ZNF227: variants seen among roughly 807,000 people sequenced by gnomAD.
The protein encoded by ZNF227 is zinc finger protein 227.
Under a neutral mutation model 13.2 loss-of-function variants are expected in ZNF227, and 12 were observed. That is an observed-to-expected ratio of 0.91 (90% CI 0.58 to 1.47). ZNF227 has a LOEUF of 1.47. Among genes scored for constraint, ZNF227 ranks in the 40% most tolerant of loss-of-function variants. ZNF227 has a pLI of 0.00. For missense variants in ZNF227, 885 were observed against 967.5 expected, an observed-to-expected ratio of 0.91 and a Z score of 1.13; for synonymous variants, 338 against 326.0, an observed-to-expected ratio of 1.04 and a Z score of -0.40.
chr19:44,236,828 T>C lies in ZNF227; in HGVS notation c.2398T>C (p.Ter800GlnextTer2), dbSNP rs1196971171. The C allele has an allele frequency of 6.4e-7, 1 of 1,553,736 alleles. No homozygotes were observed. The highest frequency in any genetic ancestry group is 8.7e-7 in the Non-Finnish European group (1 of 1,152,634). ...HQKVHTGKKL* is the reference protein window; with the variant it reads ...HQKVHTGKKLQ ...GAAAGTCCATACTGGTAAAAAGCTT[T>C]AGAAATGAGAAATGTGTTACCAACT... The change falls in exon 6 of 6, where the codon TAG becomes CAG. Residue 800 changes from the stop codon to glutamine (Q), a stop_lost. Coordinates refer to ENST00000313040, the MANE Select transcript of ZNF227 (RefSeq NM_182490.3).
At chr19:44,210,263 A>G (rs770980591), upstream of ZNF227, among the ~76,000 whole-genome samples, 56 of 152,226 alleles carry the variant, frequency 3.7e-4, no homozygotes, top group Non-Finnish European at 7.1e-4. Flanking sequence ...GAAACCTTCC[A>G]TCCATAATTT....
chr19:44,216,291 GTT>G (rs1971875757), intron 2 of ZNF227, among the ~76,000 whole-genome samples: 1 of 151,282 alleles, frequency 6.6e-6, no homozygotes, highest in South Asian at 2.1e-4. Flanking sequence ...CAGGTTGACA[GTT>G]TCTTTATTTT....
chr19:44,208,639 C>T (rs149816308), upstream of ZNF227, among the ~76,000 whole-genome samples: 364 of 152,286 alleles, frequency 2.4e-3, 3 homozygotes, highest in Middle Eastern at 0.01. Flanking sequence ...AACCCTAAAA[C>T]GTACAGTTAG....
chr19:44,220,132 AGTATTCCATG>A (rs1349461063), intron 3 of ZNF227, among the ~76,000 whole-genome samples: 1 of 152,192 alleles, frequency 6.6e-6, no homozygotes, highest in Non-Finnish European at 1.5e-5. Context: ...ATGGCTGCAT[AGTATTCCATG>A]GTGTATATGT....
chr19:44,226,788 C>T (rs73569933), intron 3 of ZNF227, among the ~76,000 whole-genome samples: 5,565 of 152,178 alleles, frequency 0.037, 341 homozygotes, highest in African/African-American at 0.13. Context: ...CACTGCCCTG[C>T]GCCCACTGTC....
Position 44,216,436 on chromosome 19 carries a change from C to T in ZNF227, c.-2-1355C>T, listed in dbSNP as rs188664456. Among the ~76,000 whole-genome samples the T allele has an allele frequency of 8.5e-4, 129 of 151,922 alleles. 1 individual carries two copies. Among genetic ancestry groups the T allele is most frequent in the African/African-American group, 2.9e-3 (122 of 41,430 alleles). On this transcript the variant is annotated intron_variant, in intron 2 of 5. Transcript: ENST00000313040. ...GTTGTTGTTTCCAGTTCTTTATGTT[C>T]GTTTAGTCTTTTGCATTTCTGAGTT...
In ZNF227 at chr19:44,228,493, A is replaced by G. The variant is rs990601217; in HGVS notation, c.108A>G (p.Glu36=). The G allele has an allele frequency of 1.9e-6, 3 of 1,613,706 alleles. No homozygotes were observed. Among genetic ancestry groups the G allele is most frequent in the Non-Finnish European group, 2.5e-6 (3 of 1,179,966 alleles). ...KDVAVVFSRE[E]LRLLDLTQRK... ...TGGCTGTGGTCTTCTCCAGGGAGGA[A>G]CTGCGACTGCTCGATCTTACCCAGA... Residue 36 remains glutamate (E), a synonymous_variant, in exon 4 of 6, where the codon GAA becomes GAG. Transcript: ENST00000313040.
rs1182858560 is a variant in ZNF227, at chr19:44,228,464, G to T, written c.79G>T (p.Asp27Tyr). The T allele has an allele frequency of 6.2e-7, 1 of 1,613,270 alleles. No individual in the cohort carries two copies. The highest frequency in any genetic ancestry group is 1.7e-5 in the Admixed American group (1 of 59,824). Residue 27 changes from aspartate to tyrosine, a missense_variant, in exon 4 of 6, where the codon GAT becomes TAT. Asp to Tyr is a radical substitution (Grantham distance 160). Coordinates refer to ENST00000313040, the MANE Select transcript of ZNF227 (RefSeq NM_182490.3). ...ATTGTAGGAGGCTGTGACATTCAAG[G>T]ATGTGGCTGTGGTCTTCTCCAGGGA... is the stretch of plus-strand genomic sequence containing the variant. The part of the protein sequence containing the change: ...TKFQEAVTFK[D>Y]VAVVFSREEL...
chr19:44,215,194 G>T (rs1225649954), intron 2 of ZNF227, among the ~76,000 whole-genome samples: 5 of 145,720 alleles, frequency 3.4e-5, no homozygotes, highest in African/African-American at 1.3e-4. Flanking sequence ...TTGAAACGGA[G>T]TCTCGCCTGT....
intron 3 of ZNF227, among the ~76,000 whole-genome samples, chr19:44,222,223 C>T (rs920646276): frequency 6.6e-6 from 1 of 152,042 alleles, no homozygotes; most frequent in East Asian, 1.9e-4. Flanking sequence ...TTCTTTTGGC[C>T]TAGGATTGAC....
intron 2 of ZNF227, among the ~76,000 whole-genome samples, chr19:44,216,507 T>C (rs1219047364): frequency 6.6e-6 from 1 of 152,220 alleles, no homozygotes; most frequent in Non-Finnish European, 1.5e-5. Context: ...TTATACTGTT[T>C]AGAATTTCTA....
At chr19:44,211,343 T>G (rs1971358684), upstream of ZNF227, among the ~76,000 whole-genome samples, 1 of 152,254 alleles carries the variant, frequency 6.6e-6, no homozygotes. Flanking sequence ...GAGATAGTTG[T>G]ATATAACAGA....
chr19:44,219,547 G>C (rs143717706), intron 3 of ZNF227, among the ~76,000 whole-genome samples: 127 of 152,128 alleles, frequency 8.3e-4, no homozygotes, highest in Admixed American at 1.8e-3. Flanking sequence ...TTAAATGTGT[G>C]AAAATGTTAA....
chr19:44,223,400 CTT>C (rs1170818416), intron 3 of ZNF227, among the ~76,000 whole-genome samples: 1 of 151,976 alleles, frequency 6.6e-6, no homozygotes, highest in African/African-American at 2.4e-5. Context: ...GTCCTGGACT[CTT>C]TTTGGTTGGT....
chr19:44,228,041 C>T (rs1599822960), intron 3 of ZNF227, among the ~76,000 whole-genome samples: 1 of 152,224 alleles, frequency 6.6e-6, no homozygotes, highest in South Asian at 2.1e-4. Flanking sequence ...CCAGCCTGGC[C>T]AACATGGTGA....
chr19:44,229,889 A>C (rs1599831561), intron 5 of ZNF227, 73 bp downstream of exon 5: 1 of 1,072,578 alleles, frequency 9.3e-7, no homozygotes, highest in South Asian at 2.3e-5. Flanking sequence ...CATGTCCATG[A>C]CCTCCCTGGT....
chr19:44,231,280 A>G (rs1973811644), intron 5 of ZNF227, among the ~76,000 whole-genome samples: 1 of 151,478 alleles, frequency 6.6e-6, no homozygotes, highest in East Asian at 1.9e-4. Context: ...ATGCCCAACT[A>G]ATTTTTGTAT....
At chr19:44,212,086 C>T (rs1388592635), upstream of ZNF227, among the ~76,000 whole-genome samples, 1 of 151,726 alleles carries the variant, frequency 6.6e-6, no homozygotes, top group Admixed American at 6.6e-5. Flanking sequence ...GACGGGGCTT[C>T]ATCATATTGG....
chr19:44,223,144 T>A (rs1176735217), intron 3 of ZNF227, among the ~76,000 whole-genome samples: 2 of 152,216 alleles, frequency 1.3e-5, no homozygotes, highest in African/African-American at 4.8e-5. Flanking sequence ...AGCTTTTTGA[T>A]GTGCTGCTGG....
Sources: gnomAD v4.1 joint callset for allele counts (sites outside exome capture counted in the v4.1 genomes callset) on GRCh38, gnomAD v4.1.1 for gene constraint, MANE v1.5 for transcripts, NCBI Gene and HGNC (gene_info 2026-07-23, HGNC 2026-07-21) for gene names.